The following CATSPERT variants were observed in gnomAD, a reference collection of about 807,000 sequenced individuals.
CATSPERT encodes catsper channel auxiliary subunit tau, also known as cation channel sperm-associated targeting subunit tau.
the CATSPERT span, among the ~76,000 whole-genome samples, chr2:201,540,478 T>C: frequency 1.3e-5 from 2 of 152,196 alleles, no homozygotes; most frequent in Admixed American, 6.5e-5. Flanking sequence ...CATTTACCAT[T>C]CTAAAAATCC....
the CATSPERT span, chr2:201,575,385 A>T: frequency 7.1e-7 from 1 of 1,412,398 alleles, no homozygotes; most frequent in Non-Finnish European, 9.5e-7. Flanking sequence ...CCTGTATATT[A>T]TCGAAACCAA....
the CATSPERT span, among the ~76,000 whole-genome samples, chr2:201,576,840 G>T: frequency 2.4e-4 from 37 of 152,206 alleles, no homozygotes; most frequent in Non-Finnish European, 3.8e-4. Flanking sequence ...TAAGAGAGGG[G>T]TTACTTAAAC....
the CATSPERT span, chr2:201,565,770 A>G: frequency 6.2e-7 from 1 of 1,610,200 alleles, no homozygotes; most frequent in Non-Finnish European, 8.5e-7. Flanking sequence ...GTCGCACTAC[A>G]GATGGCTGGT....
At chr2:201,578,587 T>C in the CATSPERT span, among the ~76,000 whole-genome samples, 2 of 152,232 alleles carry the variant, frequency 1.3e-5, no homozygotes, top group East Asian at 3.9e-4. Context: ...TATTTTTCTG[T>C]TTATGTTTAT....
the CATSPERT span, chr2:201,565,867 A>G: frequency 6.4e-7 from 1 of 1,574,392 alleles, no homozygotes; most frequent in Non-Finnish European, 8.6e-7. Flanking sequence ...TGGTGTAATA[A>G]CTTTTCTGCA....
chr2:201,515,268 T>C, the CATSPERT span, among the ~76,000 whole-genome samples: 1 of 120,216 alleles, frequency 8.3e-6, no homozygotes, highest in Non-Finnish European at 1.6e-5. Flanking sequence ...AGAGTCTTGC[T>C]CTGTTGCCCA....
At chr2:201,531,747 T>G in the CATSPERT span, among the ~76,000 whole-genome samples, 1 of 152,208 alleles carries the variant, frequency 6.6e-6, no homozygotes, top group Admixed American at 6.5e-5. Flanking sequence ...AAGTTTAGTT[T>G]GTTCAAGGAA....
chr2:201,618,485 T>A, the CATSPERT span, among the ~76,000 whole-genome samples: 1 of 142,692 alleles, frequency 7.0e-6, no homozygotes, highest in African/African-American at 2.6e-5. Flanking sequence ...CTGCATGTTC[T>A]CACTCATAGG....
the CATSPERT span, among the ~76,000 whole-genome samples, chr2:201,506,253 C>A: frequency 2.3e-4 from 34 of 149,902 alleles, no homozygotes; most frequent in African/African-American, 8.0e-4. Context: ...GGCGACAGAG[C>A]GAGACTCCGT....
At chr2:201,530,966 T>TTTTTTTG in the CATSPERT span, among the ~76,000 whole-genome samples, 4 of 133,786 alleles carry the variant, frequency 3.0e-5, no homozygotes, top group Admixed American at 2.3e-4. Context: ...TGTGGGTTTT[T>TTTTTTTG]TTTTTTTTTT....
chr2:201,570,905 C>G, the CATSPERT span, among the ~76,000 whole-genome samples: 8,363 of 152,254 alleles, frequency 0.055, 281 homozygotes, highest in African/African-American at 0.08. Context: ...TTTTGTGGAG[C>G]CTTACTTGAT....
chr2:201,618,532 G>A, the CATSPERT span, among the ~76,000 whole-genome samples: 2 of 144,388 alleles, frequency 1.4e-5, no homozygotes, highest in South Asian at 4.6e-4. Context: ...GACACGGGGG[G>A]GGAACATCAC....
chr2:201,541,848 G>A, the CATSPERT span, among the ~76,000 whole-genome samples: 6 of 151,702 alleles, frequency 4.0e-5, no homozygotes, highest in Admixed American at 1.3e-4. Flanking sequence ...TGCCTGCCTC[G>A]GCCTCCCAAA....
the CATSPERT span, among the ~76,000 whole-genome samples, chr2:201,586,731 C>T: frequency 7.5e-6 from 1 of 132,894 alleles, no homozygotes; most frequent in East Asian, 3.0e-4. Context: ...CCAAATTTTG[C>T]ATAATTTTCT....
the CATSPERT span, among the ~76,000 whole-genome samples, chr2:201,572,981 GA>G: frequency 6.6e-6 from 1 of 152,110 alleles, no homozygotes; most frequent in Admixed American, 6.5e-5. Flanking sequence ...AGGAAAAACT[GA>G]AAGTGAAAAA....
chr2:201,537,444 C>A, the CATSPERT span: 1 of 1,589,926 alleles, frequency 6.3e-7, no homozygotes, highest in Non-Finnish European at 8.6e-7. Flanking sequence ...ACCTCATTTG[C>A]AGTAGTTTCA....
chr2:201,607,315 T>C, the CATSPERT span, among the ~76,000 whole-genome samples: 1 of 152,204 alleles, frequency 6.6e-6, no homozygotes, highest in Non-Finnish European at 1.5e-5. Context: ...TGCTGAATCA[T>C]AACAGAACCT....
At chr2:201,581,860 G>A in the CATSPERT span, among the ~76,000 whole-genome samples, 1 of 151,288 alleles carries the variant, frequency 6.6e-6, no homozygotes, top group Admixed American at 6.6e-5. Context: ...TGCCCACCTC[G>A]GCCTCCCAAA....
At chr2:201,496,544 T>C in the CATSPERT span, among the ~76,000 whole-genome samples, 1 of 152,200 alleles carries the variant, frequency 6.6e-6, no homozygotes, top group Non-Finnish European at 1.5e-5. Context: ...GGTTTTGCCA[T>C]GTTGGCCAGG....
Sources: allele counts gnomAD v4.1 joint callset (sites outside exome capture counted in the v4.1 genomes callset), GRCh38; gene constraint gnomAD v4.1.1; transcripts MANE v1.5; gene names NCBI Gene and HGNC (gene_info 2026-07-23, HGNC 2026-07-21).